The following RABEP1 variants were observed in gnomAD, a reference collection of about 807,000 sequenced individuals.
RABEP1 encodes the protein rabaptin, RAB GTPase binding effector protein 1.
RABEP1 carries 51 observed loss-of-function variants against 123.4 expected under a neutral mutation model. The ratio of observed to expected loss-of-function variants is 0.41; its 90% CI spans 0.33 to 0.52. RABEP1 has a LOEUF of 0.52. Ranked by LOEUF, RABEP1 falls within the 20% of genes least tolerant of loss-of-function variation. The pLI is 0.16. For missense variants in RABEP1, 888 were observed against 996.3 expected (o/e 0.89, Z 1.46); for synonymous variants, 347 against 355.2 (o/e 0.98, Z 0.26).
intron 1 of RABEP1, among the ~76,000 whole-genome samples, chr17:5,308,013 A>G (rs995988157): frequency 2.6e-5 from 4 of 152,156 alleles, no homozygotes; most frequent in Non-Finnish European, 5.9e-5. Context: ...AGAAATGGGA[A>G]ATAGCAAGAT....
At chr17:5,285,120 A>G (rs972735380) in intron 1 of RABEP1, among the ~76,000 whole-genome samples, 1 of 152,140 alleles carries the variant, frequency 6.6e-6, no homozygotes, top group Non-Finnish European at 1.5e-5. Context: ...GGTTTTTGAT[A>G]CTGCATCTTA....
At chr17:5,381,585 C>A (rs2144738527) in intron 17 of RABEP1, 80 bp downstream of exon 17, 1 of 1,517,398 alleles carries the variant, frequency 6.6e-7, no homozygotes. Context: ...GACTTGACCA[C>A]TGGCAGTAGC....
intron 2 of RABEP1, among the ~76,000 whole-genome samples, chr17:5,318,052 T>G (rs999727263): frequency 9.2e-5 from 14 of 152,200 alleles, no homozygotes; most frequent in African/African-American, 3.1e-4. Context: ...CTATATCCTT[T>G]GTAATAGTCT....
At chr17:5,341,558 G>A (rs57638638) in intron 5 of RABEP1, among the ~76,000 whole-genome samples, 20,721 of 152,020 alleles carry the variant, frequency 0.14, 1,469 homozygotes, top group East Asian at 0.18. Flanking sequence ...TATATTTTAC[G>A]AACTCTCAGG....
At chr17:5,311,697 C>CAAAAAAAAAAAA (rs35876639) in intron 2 of RABEP1, among the ~76,000 whole-genome samples, 4 of 70,878 alleles carry the variant, frequency 5.6e-5, no homozygotes, top group Non-Finnish European at 9.7e-5. Context: ...GACTTCATCT[C>CAAAAAAAAAAAA]AAAAAAAAAA....
intron 5 of RABEP1, among the ~76,000 whole-genome samples, chr17:5,344,863 A>G (rs1269313410): frequency 1.3e-5 from 2 of 151,780 alleles, no homozygotes; most frequent in Admixed American, 6.6e-5. Flanking sequence ...AGGCTGAGGC[A>G]TAAGAATTGC....
intron 3 of RABEP1, among the ~76,000 whole-genome samples, chr17:5,333,051 G>T (rs970888590): frequency 1.5e-4 from 23 of 152,320 alleles, no homozygotes; most frequent in African/African-American, 5.3e-4. Context: ...TTTAGTCTCA[G>T]ACTCCTTTTG....
At chr17:5,286,321 C>G (rs8073377) in intron 1 of RABEP1, among the ~76,000 whole-genome samples, 74,276 of 151,962 alleles carry the variant, frequency 0.49, 19,407 homozygotes, top group East Asian at 0.97. Flanking sequence ...TGGTGAAACC[C>G]CATCTCTACT....
chr17:5,322,965 A>G (rs1465441548), intron 2 of RABEP1, among the ~76,000 whole-genome samples: 1 of 152,046 alleles, frequency 6.6e-6, no homozygotes, highest in East Asian at 1.9e-4. Context: ...AATCCCAGCT[A>G]CTCTGGAGGC....
At chr17:5,283,738 C>G (rs2074951084) in intron 1 of RABEP1, 1 of 152,140 alleles carries the variant, frequency 6.6e-6, no homozygotes, top group East Asian at 1.9e-4. Context: ...ACCATGTTAT[C>G]AGATTTTAAG....
intron 5 of RABEP1, among the ~76,000 whole-genome samples, chr17:5,339,344 G>A (rs1439592894): frequency 6.6e-6 from 1 of 152,016 alleles, no homozygotes; most frequent in East Asian, 1.9e-4. Context: ...CAAACCACAA[G>A]GTAAGACTGA....
At chr17:5,329,365 ACT>A (rs1224456498) in intron 2 of RABEP1, among the ~76,000 whole-genome samples, 2 of 152,304 alleles carry the variant, frequency 1.3e-5, no homozygotes, top group East Asian at 3.9e-4. Context: ...CCCCGTCTCT[ACT>A]AAAAAATACA....
intron 8 of RABEP1, among the ~76,000 whole-genome samples, chr17:5,360,312 C>T (rs1909390396): frequency 1.3e-5 from 2 of 152,244 alleles, no homozygotes; most frequent in Admixed American, 1.3e-4. Context: ...CCTGTAATCC[C>T]AGCACTTTGG....
intron 1 of RABEP1, among the ~76,000 whole-genome samples, chr17:5,298,913 T>C (rs1037840228): frequency 6.6e-6 from 1 of 151,788 alleles, no homozygotes; most frequent in Admixed American, 6.6e-5. Context: ...CCTCAGCCTC[T>C]CAAAGTGCTG....
intron 1 of RABEP1, among the ~76,000 whole-genome samples, chr17:5,300,788 G>T (rs2075129346): frequency 6.6e-6 from 1 of 152,172 alleles, no homozygotes; most frequent in South Asian, 2.1e-4. Context: ...AAAACAATTT[G>T]TCCTGTCTGG....
intron 1 of RABEP1, among the ~76,000 whole-genome samples, chr17:5,303,340 C>T (rs1470398194): frequency 1.3e-5 from 2 of 152,108 alleles, no homozygotes; most frequent in African/African-American, 2.4e-5. Context: ...CTCCCAGGTT[C>T]GAGCAAGTCT....
intron 12 of RABEP1, among the ~76,000 whole-genome samples, chr17:5,370,173 G>A (rs1025519722): frequency 6.6e-6 from 1 of 152,198 alleles, no homozygotes; most frequent in African/African-American, 2.4e-5. Flanking sequence ...AACTCACCAC[G>A]TTAGTGCATG....
Position 5,386,105 on chromosome 17 carries a change from C to A in RABEP1, c.*2882C>A, listed in dbSNP as rs918452888. The A allele has an allele frequency of 6.0e-5, 51 of 851,266 alleles. 1 individual carries two copies. In the Admixed American group the frequency reaches 1.0e-3, roughly 18 times the overall value. 52.7% of individuals were successfully genotyped at this position (851,266 alleles called of 1,614,324 possible). A position where few individuals can be genotyped will look rare whatever the true frequency, so the allele number is the denominator to read the frequency against. ...AAAGATGAACCACACCAAAGGTCAT[C>A]AAAACACCTTTTTATAAATTAGATA... On this transcript the variant is annotated 3_prime_UTR_variant, in exon 18 of 18. Transcript: ENST00000537505.
At chr17:5,349,993 TG>T (rs1908383094) in intron 6 of RABEP1, among the ~76,000 whole-genome samples, 1 of 152,104 alleles carries the variant, frequency 6.6e-6, no homozygotes, top group Non-Finnish European at 1.5e-5. Context: ...AGAGATGGTG[TG>T]GGGATAGGTT....
Sources: allele counts gnomAD v4.1 joint callset (sites outside exome capture counted in the v4.1 genomes callset), GRCh38; gene constraint gnomAD v4.1.1; transcripts MANE v1.5; gene names NCBI Gene and HGNC (gene_info 2026-07-23, HGNC 2026-07-21).